The following IMPDH1 variants were observed in gnomAD, a reference collection of about 807,000 sequenced individuals.
The protein encoded by IMPDH1 is inosine-5'-monophosphate dehydrogenase 1.
A neutral mutation model predicts 73.5 loss-of-function variants in IMPDH1; 41 were observed. The ratio of observed to expected loss-of-function variants is 0.56; its 90% CI spans 0.43 to 0.72. The LOEUF is 0.72. Ranked by LOEUF, IMPDH1 falls within the 30% of genes least tolerant of loss-of-function variation. The pLI is 0.00. For missense variants in IMPDH1, 645 were observed against 824.8 expected (o/e 0.78, Z 2.67); for synonymous variants, 318 against 334.3 (o/e 0.95, Z 0.53).
intron 12 of IMPDH1, among the ~76,000 whole-genome samples, chr7:128,395,592 A>G (rs1797861183): frequency 6.6e-6 from 1 of 152,204 alleles, no homozygotes; most frequent in Non-Finnish European, 1.5e-5. Flanking sequence ...GTTCCCCTTC[A>G]AGGCTTTTGT....
At chr7:128,408,673 T>C (rs1181056523) in intron 3 of IMPDH1, among the ~76,000 whole-genome samples, 2 of 152,170 alleles carry the variant, frequency 1.3e-5, no homozygotes, top group Admixed American at 1.3e-4. Flanking sequence ...TGAAACATTA[T>C]GTTTGCAACC....
chr7:128,409,533 C>G, intron 1 of IMPDH1, 49 bp from the exon 2 acceptor site: 1 of 1,603,812 alleles, frequency 6.2e-7, no homozygotes, highest in Non-Finnish European at 8.5e-7. Context: ...TCCTCCGCTC[C>G]CCCGTGCAAC....
rs1312526565 is a variant in IMPDH1, at chr7:128,395,104, C to T, written c.1405+27G>A. 3.1e-6 allele frequency: 5 copies of T among 1,613,854 alleles called. No homozygotes were observed. In the Admixed American group the frequency reaches 8.3e-5, roughly 27 times the overall value. ...CCCCCAGCTTCCAGCCCTCGCCTGCCCAATCCCCAGCACATTCTCCCCTCA... is the reference window on the plus strand; with the variant it reads ...CCCCCAGCTTCCAGCCCTCGCCTGCTCAATCCCCAGCACATTCTCCCCTCA... On this transcript the variant is annotated intron_variant, in intron 13 of 16. Transcript: ENST00000338791.
intron 3 of IMPDH1, among the ~76,000 whole-genome samples, chr7:128,406,838 G>A (rs771944324): frequency 1.5e-4 from 23 of 152,188 alleles, no homozygotes; most frequent in Non-Finnish European, 2.1e-4. Flanking sequence ...TGGGAAGATG[G>A]GGGAGGATCA....
At chr7:128,406,801 G>T (rs1798809221) in intron 3 of IMPDH1, among the ~76,000 whole-genome samples, 1 of 152,154 alleles carries the variant, frequency 6.6e-6, no homozygotes, top group Non-Finnish European at 1.5e-5. Context: ...CTCAGAGAGC[G>T]GTTTGTTATT....
Position 128,398,825 on chromosome 7 carries a change from C to T in IMPDH1, c.875-212G>A, listed in dbSNP as rs550136547. On this transcript the variant is annotated intron_variant, in intron 9 of 16. Transcript: ENST00000338791. This position sits in a 1 kb window ranked among gnomAD's most constrained non-coding sequence, Gnocchi z 4.3. ...GGAGCAAAGAAATCTTTCAGCCCAGCAGGTTCCTGGGGGTCTGTGGATGGG... is the reference window on the plus strand; with the variant it reads ...GGAGCAAAGAAATCTTTCAGCCCAGTAGGTTCCTGGGGGTCTGTGGATGGG... Among the ~76,000 whole-genome samples the T allele has an allele frequency of 4.6e-5, 7 of 152,302 alleles. No individual in the cohort carries two copies. The highest frequency in any genetic ancestry group is 1.7e-4 in the African/African-American group (7 of 41,564).
At chr7:128,400,720 G>T in intron 7 of IMPDH1, 97 bp downstream of exon 7, 1 of 1,215,258 alleles carries the variant, frequency 8.2e-7, no homozygotes, top group Non-Finnish European at 1.2e-6. Context: ...GGACACGCAG[G>T]GAGTGTAGCA....
Position 128,398,320 on chromosome 7 carries a change from A to G in IMPDH1, c.1074+94T>C. 1 of 975,324 alleles carries G rather than the reference A, an allele frequency of 1.0e-6. No homozygotes were observed. The highest frequency in any genetic ancestry group is 1.6e-6 in the Non-Finnish European group (1 of 617,328). 60.4% of individuals were successfully genotyped at this position (975,324 alleles called of 1,614,324 possible). A position where few individuals can be genotyped will look rare whatever the true frequency, so the allele number is the denominator to read the frequency against. On this transcript the variant is annotated intron_variant, in intron 10 of 16. Coordinates refer to ENST00000338791, the MANE Select transcript of IMPDH1 (RefSeq NM_000883.4). The surrounding 1 kb of genome is among the most constrained non-coding windows in gnomAD (Gnocchi z 4.3). ...AGAGGAAGAGTAGCAAGGGAGGGGC[A>G]CAGGCTTAATCAGAGGTGAACCTGG...
intron 5 of IMPDH1, 37 bp downstream of exon 5, chr7:128,403,669 A>C: frequency 1.9e-6 from 3 of 1,592,592 alleles, no homozygotes; most frequent in Non-Finnish European, 2.6e-6. Flanking sequence ...CACCACATAC[A>C]CAGCCCCCTC....
In IMPDH1 at chr7:128,409,933, C is replaced by T; in HGVS notation, c.-32G>A. On this transcript the variant is annotated 5_prime_UTR_variant, in exon 1 of 17. Coordinates refer to ENST00000338791, the MANE Select transcript of IMPDH1 (RefSeq NM_000883.4). ...GCCGCAGCTCAGGGCGGGCGGGAGC[C>T]TGGAGGCTCCCGGGGCCCCGGCTGG... 2 of 1,333,338 alleles carry T rather than the reference C, an allele frequency of 1.5e-6. No homozygotes were observed. Among genetic ancestry groups the T allele is most frequent in the Non-Finnish European group, 1.9e-6 (2 of 1,047,794 alleles). 82.6% of individuals were successfully genotyped at this position (1,333,338 alleles called of 1,614,324 possible). A position where few individuals can be genotyped will look rare whatever the true frequency, so the allele number is the denominator to read the frequency against.
Position 128,398,386 on chromosome 7 carries a change from T to C in IMPDH1, c.1074+28A>G, listed in dbSNP as rs766593647. The C allele has an allele frequency of 2.3e-4, 368 of 1,585,146 alleles. 1 individual carries two copies. The highest frequency in any genetic ancestry group is 1.3e-3 in the Middle Eastern group (7 of 5,256). On this transcript the variant is annotated intron_variant, in intron 10 of 16. Transcript: ENST00000338791. This position sits in a 1 kb window ranked among gnomAD's most constrained non-coding sequence, Gnocchi z 4.3. Reference sequence around the variant, plus strand: ...CACTCTGCTGAACCACTCATCCATCTCCCCCACCACTCAGGCGGGGGCCTT... The same window carrying C: ...CACTCTGCTGAACCACTCATCCATCCCCCCCACCACTCAGGCGGGGGCCTT...
In IMPDH1 at chr7:128,396,143, C is replaced by T. The variant is rs186533317; in HGVS notation, c.1261+457G>A. On this transcript the variant is annotated intron_variant, in intron 12 of 16. Transcript: ENST00000338791. This position sits in a 1 kb window ranked among gnomAD's most constrained non-coding sequence, Gnocchi z 4.0. ...ATGGGGGACACATGCCAGGCTCCCC[C>T]CTTCCCACTTCATGTTCAGGAACCC... is the stretch of plus-strand genomic sequence containing the variant. Among the ~76,000 whole-genome samples, 2 of 152,162 alleles carry T rather than the reference C, an allele frequency of 1.3e-5. No homozygotes were observed. The highest frequency in any genetic ancestry group is 2.9e-5 in the Non-Finnish European group (2 of 68,036).
At chr7:128,407,970 G>A (rs1291278862) in intron 3 of IMPDH1, among the ~76,000 whole-genome samples, 3 of 152,122 alleles carry the variant, frequency 2.0e-5, no homozygotes, top group Non-Finnish European at 2.9e-5. Flanking sequence ...ATCACTCTAA[G>A]CTGCTGGGCT....
chr7:128,399,066 T>G (rs1798129287), intron 9 of IMPDH1, among the ~76,000 whole-genome samples: 1 of 152,192 alleles, frequency 6.6e-6, no homozygotes, highest in South Asian at 2.1e-4. Flanking sequence ...TTTTTCCTTT[T>G]TTTTTCTAAC....
chr7:128,405,814 C>T lies in IMPDH1; in HGVS notation c.306G>A (p.Gly102=), dbSNP rs1477274307. Residue 102 remains glycine (G), a synonymous_variant, in exon 4 of 17, where the codon GGG becomes GGA. Transcript: ENST00000338791. Reference sequence around the variant, plus strand: ...TGGCGAAGAGCTGCTGCGCGGTGAGCCCATCCTCGGGCACGTAGCCGGTGC... The same window carrying T: ...TGGCGAAGAGCTGCTGCGCGGTGAGTCCATCCTCGGGCACGTAGCCGGTGC... The part of the protein sequence containing the change: ...SGGTGYVPED[G]LTAQQLFASA... The T allele has an allele frequency of 1.3e-6, 2 of 1,542,374 alleles. No homozygotes were observed. The highest frequency in any genetic ancestry group is 2.0e-5 in the Admixed American group (1 of 50,890).
At chr7:128,395,522 C>A (rs1214309873) in intron 12 of IMPDH1, among the ~76,000 whole-genome samples, 1 of 152,226 alleles carries the variant, frequency 6.6e-6, no homozygotes, top group East Asian at 1.9e-4. Flanking sequence ...CCAGAAGCGG[C>A]CTTCAGAGCC....
At chr7:128,395,370 T>C in intron 12 of IMPDH1, 96 bp from the exon 13 acceptor site, 1 of 1,417,380 alleles carries the variant, frequency 7.1e-7, no homozygotes, top group Non-Finnish European at 9.8e-7. Context: ...GTGCACTACC[T>C]CTACTCAGGA....
At position 128,400,612 on chromosome 7, in the gene IMPDH1, A is replaced by G. The variant is rs570399047; in HGVS notation, c.580-73T>C. 14 of 1,441,544 alleles carry G rather than the reference A, an allele frequency of 9.7e-6. No individual in the cohort carries two copies. In the African/African-American group the frequency reaches 1.8e-4, roughly 19 times the overall value. The allele number at this position is 1,441,544 out of a possible 1,614,324, so 89.3% of individuals were successfully genotyped here. ...GATGTCCAGGCTGGCCACAGGGAACAGAGGATGCAGCTGTGCTGCAGAGAA... is the reference window on the plus strand; with the variant it reads ...GATGTCCAGGCTGGCCACAGGGAACGGAGGATGCAGCTGTGCTGCAGAGAA... On this transcript the variant is annotated intron_variant, in intron 7 of 16. Transcript: ENST00000338791.
chr7:128,407,310 C>T (rs908838399), intron 3 of IMPDH1, among the ~76,000 whole-genome samples: 1 of 152,224 alleles, frequency 6.6e-6, no homozygotes, highest in Non-Finnish European at 1.5e-5. Flanking sequence ...GATGCCCAGC[C>T]TCCCCCATTG....
Sources: gnomAD v4.1 joint callset for allele counts (sites outside exome capture counted in the v4.1 genomes callset) on GRCh38, gnomAD v4.1.1 for gene constraint, Gnocchi (gnomAD v3.1) non-coding constraint, MANE v1.5 for transcripts, NCBI Gene and HGNC (gene_info 2026-07-23, HGNC 2026-07-21) for gene names.